The following NDUFAF6 variants were observed in gnomAD, a reference collection of about 807,000 sequenced individuals.
NDUFAF6 encodes the protein NADH dehydrogenase (ubiquinone) complex I, assembly factor 6.
A neutral mutation model predicts 40.8 loss-of-function variants in NDUFAF6; 45 were observed. That is an observed-to-expected ratio of 1.10 (90% CI 0.87 to 1.42). NDUFAF6 has a LOEUF of 1.42. Among genes scored for constraint, NDUFAF6 ranks in the 40% most tolerant of loss-of-function variants. The pLI, the probability that NDUFAF6 is intolerant of heterozygous loss-of-function variation, is 0.00. For synonymous variants in NDUFAF6, 185 were observed against 155.9 expected (o/e 1.19, Z -1.39); for missense variants, 435 against 418.5 (o/e 1.04, Z -0.34).
chr8:95,025,225 C>A lies in NDUFAF6; in HGVS notation c.197+20C>A. 7.2e-7 allele frequency: 1 copy of A among 1,386,398 alleles called. No individual in the cohort carries two copies. Among genetic ancestry groups the A allele is most frequent in the Non-Finnish European group, 9.3e-7 (1 of 1,079,552 alleles). The allele number at this position is 1,386,398 out of a possible 1,614,324, so 85.9% of individuals were successfully genotyped here. ...GCTGCGGTGAGCGAGCACGACCTTC[C>A]CTGGCGCGGCGGGAAGCGGGGTCCC... is the stretch of plus-strand genomic sequence containing the variant. On this transcript the variant is annotated intron_variant, in intron 1 of 8. Coordinates refer to ENST00000396124, the MANE Select transcript of NDUFAF6 (RefSeq NM_152416.4).
chr8:94,941,668 C>T (rs953933823), intron 1 of NDUFAF6, among the ~76,000 whole-genome samples: 4 of 152,232 alleles, frequency 2.6e-5, no homozygotes, highest in Non-Finnish European at 4.4e-5. Context: ...TTGGCCAAAC[C>T]TAGAACTGGA....
intron 2 of NDUFAF6, among the ~76,000 whole-genome samples, chr8:95,086,503 C>G (rs188348026): frequency 6.6e-6 from 1 of 152,222 alleles, no homozygotes; most frequent in African/African-American, 2.4e-5. Context: ...GAAATGGCCT[C>G]CTTCCCTTAA....
intron 2 of NDUFAF6, among the ~76,000 whole-genome samples, chr8:95,018,453 T>C (rs1827559114): frequency 1.3e-5 from 2 of 152,174 alleles, no homozygotes; most frequent in African/African-American, 2.4e-5. Flanking sequence ...TTAACTTTCA[T>C]GTCAGAAAAA....
intron 4 of NDUFAF6, among the ~76,000 whole-genome samples, chr8:95,044,247 C>T (rs1830469631): frequency 6.6e-6 from 1 of 151,842 alleles, no homozygotes; most frequent in Admixed American, 6.6e-5. Context: ...GAAGTGTCTG[C>T]TTAATGGATG....
At chr8:95,079,910 G>A (rs904106284), downstream of NDUFAF6, among the ~76,000 whole-genome samples, 3 of 125,776 alleles carry the variant, frequency 2.4e-5, no homozygotes, top group African/African-American at 6.0e-5. Context: ...GTGTATTTTT[G>A]TAGTGTATTT....
chr8:95,080,766 C>T (rs1042567509), downstream of NDUFAF6, among the ~76,000 whole-genome samples: 1 of 152,082 alleles, frequency 6.6e-6, no homozygotes, highest in African/African-American at 2.4e-5. Context: ...CTTTGGCCTC[C>T]CAAAGTGCTG....
At chr8:94,938,359 T>C (rs1193328665) in intron 1 of NDUFAF6, among the ~76,000 whole-genome samples, 1 of 152,250 alleles carries the variant, frequency 6.6e-6, no homozygotes, top group Admixed American at 6.5e-5. Context: ...AGACTGAGGC[T>C]GGACTGTGAT....
intron 2 of NDUFAF6, among the ~76,000 whole-genome samples, chr8:95,002,327 G>A (rs1422416955): frequency 6.6e-6 from 1 of 152,110 alleles, no homozygotes; most frequent in East Asian, 1.9e-4. Flanking sequence ...AACATTATTT[G>A]TTGAACAAGC....
downstream of NDUFAF6, among the ~76,000 whole-genome samples, chr8:95,077,875 G>A (rs1162132378): frequency 6.6e-6 from 1 of 152,104 alleles, no homozygotes; most frequent in Non-Finnish European, 1.5e-5. Context: ...TTCTACATGA[G>A]CCAAAGGCAA....
chr8:94,989,041 A>G (rs1826073537), intron 2 of NDUFAF6: 1 of 152,226 alleles, frequency 6.6e-6, no homozygotes, highest in Non-Finnish European at 1.5e-5. Context: ...GGGTTGATGA[A>G]ATGTTCCAAA....
chr8:94,974,425 A>G (rs891606492), intron 1 of NDUFAF6: 1 of 151,974 alleles, frequency 6.6e-6, no homozygotes, highest in African/African-American at 2.4e-5. Context: ...CAGGAGCTCC[A>G]TTTTCCAATC....
intron 1 of NDUFAF6, among the ~76,000 whole-genome samples, chr8:94,918,089 A>G (rs1819257289): frequency 6.6e-6 from 1 of 152,222 alleles, no homozygotes; most frequent in Non-Finnish European, 1.5e-5. Flanking sequence ...AAATATTTGT[A>G]ATTTTTTTTC....
intron 2 of NDUFAF6, among the ~76,000 whole-genome samples, chr8:94,995,184 T>A (rs189825184): frequency 3.7e-4 from 56 of 152,288 alleles, no homozygotes; most frequent in Non-Finnish European, 6.9e-4. Context: ...TGGATGAACC[T>A]CAAGAACTTT....
chr8:95,024,983 G>A (rs367775244), upstream of NDUFAF6: 5 of 1,305,606 alleles, frequency 3.8e-6, no homozygotes, highest in East Asian at 3.1e-5. Context: ...ACGGCGGGGG[G>A]TCGAAGGGCA....
At position 94,963,048 on chromosome 8, in the gene NDUFAF6, C is replaced by T. The variant is rs866812459; in HGVS notation, c.-199+4869C>T. On this transcript the variant is annotated intron_variant, in intron 1 of 9. Coordinates refer to the NDUFAF6 transcript ENST00000396111. ...TCCACTGATCCACCTGCCTCGGCCT[C>T]CCAAAGTGCTGGGATTACAGACAGG... Among the ~76,000 whole-genome samples the T allele has an allele frequency of 1.2e-4, 18 of 152,214 alleles. No individual in the cohort carries two copies. The South Asian group carries it at 3.7e-3, about 32-fold the overall frequency.
chr8:94,927,591 C>T (rs968339079), intron 1 of NDUFAF6: 3 of 152,210 alleles, frequency 2.0e-5, no homozygotes, highest in Non-Finnish European at 1.5e-5. Context: ...AATGCATTGC[C>T]ACAGAAGATA....
At chr8:94,973,504 C>T (rs778625552) in intron 1 of NDUFAF6, among the ~76,000 whole-genome samples, 2 of 152,062 alleles carry the variant, frequency 1.3e-5, no homozygotes, top group African/African-American at 4.8e-5. Flanking sequence ...GTCAGGAGAT[C>T]GAGACCATCC....
chr8:95,081,192 T>C (rs1298941222), intron 2 of NDUFAF6, among the ~76,000 whole-genome samples: 1 of 128,062 alleles, frequency 7.8e-6, no homozygotes, highest in Non-Finnish European at 1.6e-5. Context: ...TGAGGTGGAG[T>C]CTTTCTCTGT....
intron 5 of NDUFAF6, chr8:95,116,171 CG>C (rs1254462152): frequency 7.0e-5 from 11 of 158,002 alleles, no homozygotes; most frequent in Admixed American, 6.4e-4. Context: ...ACCAAAAAAA[CG>C]AACAAACAAA....
Sources: gnomAD v4.1 joint callset for allele counts (sites outside exome capture counted in the v4.1 genomes callset) on GRCh38, gnomAD v4.1.1 for gene constraint, MANE v1.5 for transcripts, NCBI Gene and HGNC (gene_info 2026-07-23, HGNC 2026-07-21) for gene names.